The following CENATAC variants were observed in gnomAD, a reference collection of about 807,000 sequenced individuals.
CENATAC encodes centrosomal AT-AC splicing factor.
A neutral mutation model predicts 53.7 loss-of-function variants in CENATAC; 53 were observed. The observed-to-expected ratio is 0.99, with a 90% confidence interval of 0.79 to 1.24. The LOEUF (loss-of-function observed/expected upper bound fraction) is 1.24, where lower values mean the gene tolerates loss of function less well. Ranked by LOEUF, CENATAC falls within the 50% of genes most tolerant of loss-of-function variation. The pLI is 0.00. For missense variants in CENATAC, 474 were observed against 417.8 expected, an observed-to-expected ratio of 1.13 and a Z score of -1.17; for synonymous variants, 156 against 144.6, an observed-to-expected ratio of 1.08 and a Z score of -0.57.
chr11:119,003,347 T>G lies in CENATAC; in HGVS notation c.383+4238T>G, dbSNP rs369292738. The stretch of plus-strand genomic sequence containing the variant: ...TAGTGATACGCGGATCTTCTTTTTT[T>G]TGTGGCTGTGGACACCTTTCAACAC... On this transcript the variant is annotated intron_variant, in intron 3 of 10. Transcript: ENST00000334418. The G allele has an allele frequency of 1.6e-3, 873 of 534,242 alleles. 8 individuals are homozygous for G. The highest frequency in any genetic ancestry group is 8.4e-3 in the South Asian group (607 of 72,278). The allele number at this position is 534,242 out of a possible 1,614,324, so 33.1% of individuals were successfully genotyped here. A position where few individuals can be genotyped will look rare whatever the true frequency, so the allele number is the denominator to read the frequency against.
intron 3 of CENATAC, among the ~76,000 whole-genome samples, chr11:119,008,823 C>A (rs563153757): frequency 6.6e-6 from 1 of 152,274 alleles, no homozygotes; most frequent in South Asian, 2.1e-4. Flanking sequence ...CATTGTGCCC[C>A]TGGTTTATTG....
At chr11:119,011,599 G>C (rs1942875955) in intron 5 of CENATAC, among the ~76,000 whole-genome samples, 1 of 152,092 alleles carries the variant, frequency 6.6e-6, no homozygotes, top group African/African-American at 2.4e-5. Flanking sequence ...GGCTGGTCTT[G>C]AACTCCTGAC....
rs537697599 is a variant in CENATAC, at chr11:119,015,722, T to C, written c.*124T>C. ...AGACATACTCATTCATTTGATTTAATAAAGTTTTATTTTTCCAAATGTACA... is the reference window on the plus strand; with the variant it reads ...AGACATACTCATTCATTTGATTTAACAAAGTTTTATTTTTCCAAATGTACA... On this transcript the variant is annotated 3_prime_UTR_variant, in exon 11 of 11. Coordinates refer to ENST00000334418, the MANE Select transcript of CENATAC (RefSeq NM_198489.3). 366 of 1,293,170 alleles carry C rather than the reference T, an allele frequency of 2.8e-4. 1 individual carries two copies. Among genetic ancestry groups the C allele is most frequent in the Non-Finnish European group, 2.4e-4 (222 of 909,604 alleles). 80.1% of individuals were successfully genotyped at this position (1,293,170 alleles called of 1,614,324 possible).
chr11:118,998,156 T>C lies in CENATAC; in HGVS notation c.-42T>C. 2 of 1,557,454 alleles carry C rather than the reference T, an allele frequency of 1.3e-6. No individual in the cohort carries two copies. The highest frequency in any genetic ancestry group is 2.4e-5 in the South Asian group (2 of 84,946). ...CAGGGTCAGAGGCCGCCGGATGGCG[T>C]AGGATCGGCCGCTGGTGGTGGTGAT... On this transcript the variant is annotated 5_prime_UTR_variant, in exon 1 of 11. An upstream open reading frame in the 5' UTR loses its in-frame stop. Coordinates refer to ENST00000334418, the MANE Select transcript of CENATAC (RefSeq NM_198489.3).
In CENATAC at chr11:118,998,313, C is replaced by T. The variant is rs782555307; in HGVS notation, c.116C>T (p.Pro39Leu). 7 of 1,609,434 alleles carry T rather than the reference C, an allele frequency of 4.3e-6. No individual in the cohort carries two copies. In the African/African-American group the frequency reaches 8.0e-5, roughly 18 times the overall value. ...AAGGAGGCTTTGGAGAGGCTCCTGC[C>T]CCAGGTGCGGAGGCAAGGCTAGAGA... The part of the protein sequence containing the change: ...QLKEALERLL[P>L]QVEAARKAIR... The change falls in exon 1 of 11, where the codon CCC becomes CTC. Residue 39 changes from proline (P) to leucine (L), a missense_variant. Transcript: ENST00000334418.
intron 3 of CENATAC, 42 bp from the exon 4 acceptor site, chr11:119,010,722 T>C: frequency 6.4e-7 from 1 of 1,565,556 alleles, no homozygotes; most frequent in Non-Finnish European, 8.7e-7. Flanking sequence ...TTTTAACTGG[T>C]GGGGAATGGG....
At chr11:119,002,745 T>G (rs1045675163) in intron 3 of CENATAC, among the ~76,000 whole-genome samples, 4 of 151,698 alleles carry the variant, frequency 2.6e-5, no homozygotes, top group African/African-American at 9.7e-5. Context: ...AGAAGTAAGA[T>G]TTCTCCCATG....
rs1419960688 is a variant in CENATAC at position 119,011,254 on chromosome 11, C to T, written c.484C>T (p.Arg162Ter). The change falls in exon 5 of 11, where the codon CGA becomes TGA. Residue 162 changes from arginine (R) to a stop codon, truncating the protein, a stop_gained. Coordinates refer to ENST00000334418, the MANE Select transcript of CENATAC (RefSeq NM_198489.3). LOFTEE classifies it high-confidence loss of function. ...AAQIREVEQSRQEVVRSVLEP... is the reference protein window; with the variant it reads ...AAQIREVEQS Reference sequence around the variant, plus strand: ...TCAGATCCGTGAGGTGGAGCAGAGCCGACAGGAGGTGGTTCGGTCTGTCTT... The same window carrying T: ...TCAGATCCGTGAGGTGGAGCAGAGCTGACAGGAGGTGGTTCGGTCTGTCTT... The T allele has an allele frequency of 2.5e-6, 4 of 1,614,096 alleles. No individual in the cohort carries two copies. Among genetic ancestry groups the T allele is most frequent in the Admixed American group, 1.7e-5 (1 of 60,008 alleles).
rs782335399 is a variant in CENATAC at position 119,011,297 on chromosome 11, G to T, written c.513+14G>T. 1.2e-6 allele frequency: 2 copies of T among 1,613,154 alleles called. No individual in the cohort carries two copies. The highest frequency in any genetic ancestry group is 2.7e-5 in the African/African-American group (2 of 74,930). ...TCTGTCTTAGAGGTTGGTTTCCCTC[G>T]GAGGATCCAGACCAGTATCCAAATC... On this transcript the variant is annotated intron_variant, in intron 5 of 10. Transcript: ENST00000334418.
Position 119,015,008 on chromosome 11 carries a change from TG to T in CENATAC, c.732del (p.Trp244Ter). On this transcript the variant is annotated frameshift_variant, in exon 9 of 11. Coordinates refer to ENST00000334418, the MANE Select transcript of CENATAC (RefSeq NM_198489.3). LOFTEE classifies it high-confidence loss of function. ...TTTTTTTTCAGGTGCCACACCTCCC[TG>T]GATGATCCAAGATGAAGAATACATT... ...GNIHSGATPP[W>X]MIQDEEYIAG... 2.5e-6 allele frequency: 4 copies of T among 1,602,446 alleles called. No homozygotes were observed. The highest frequency in any genetic ancestry group is 3.4e-6 in the Non-Finnish European group (4 of 1,174,568).
Position 119,013,232 on chromosome 11 carries a change from G to T in CENATAC, c.685G>T (p.Asp229Tyr). The T allele has an allele frequency of 6.2e-7, 1 of 1,608,414 alleles. No individual in the cohort carries two copies. Among genetic ancestry groups the T allele is most frequent in the Non-Finnish European group, 8.5e-7 (1 of 1,177,446 alleles). The change falls in exon 8 of 11, where the codon GAT becomes TAT. Residue 229 changes from aspartate (D) to tyrosine (Y), a missense_variant and splice_region_variant. Coordinates refer to ENST00000334418, the MANE Select transcript of CENATAC (RefSeq NM_198489.3). ...GPSLTFIGHQ[D>Y]IPGVGNIHSG... ...CTTTTTTTCCCATTTCCAACTACAG[G>T]ATATACCAGGAGTTGGTAACATCCA... is the stretch of plus-strand genomic sequence containing the variant.
At chr11:119,009,090 A>G (rs138248554) in intron 3 of CENATAC, among the ~76,000 whole-genome samples, 2 of 152,222 alleles carry the variant, frequency 1.3e-5, no homozygotes, top group South Asian at 2.1e-4. Flanking sequence ...TCCTTCCTAC[A>G]TAGACACAGT....
In CENATAC at chr11:119,013,161, G is replaced by C. The variant is rs578043108; in HGVS notation, c.685-71G>C. On this transcript the variant is annotated intron_variant, in intron 7 of 10. Transcript: ENST00000334418. ...TCTTTTAAAGTGTGCTTTGTCTATCGTTTCTAGGATTTTTTTTTTTAATCA... is the reference window on the plus strand; with the variant it reads ...TCTTTTAAAGTGTGCTTTGTCTATCCTTTCTAGGATTTTTTTTTTTAATCA... The C allele has an allele frequency of 1.7e-4, 204 of 1,185,468 alleles. 1 individual carries two copies. In the East Asian group the frequency reaches 3.5e-3, roughly 20 times the overall value. The allele number at this position is 1,185,468 out of a possible 1,614,324, so 73.4% of individuals were successfully genotyped here.
chr11:119,012,396 T>C, intron 7 of CENATAC, 142 bp downstream of exon 7: 2 of 857,578 alleles, frequency 2.3e-6, no homozygotes, highest in Non-Finnish European at 3.5e-6. Flanking sequence ...CTAGTAGTGT[T>C]CTCAGACCTC....
At position 119,005,462 on chromosome 11, in the gene CENATAC, G is replaced by A. The variant is rs537874400; in HGVS notation, c.384-5302G>A. Among the ~76,000 whole-genome samples the A allele has an allele frequency of 6.8e-5, 10 of 147,410 alleles. No individual in the cohort carries two copies. The East Asian group carries it at 1.2e-3, about 17-fold the overall frequency. ...GCCTGGCGACATAGAGTGAGACCCC[G>A]TCTCAAAAAAAAAAAAAATTTTTTT... On this transcript the variant is annotated intron_variant, in intron 3 of 10. Transcript: ENST00000334418.
chr11:119,002,681 GT>G (rs10718631), intron 3 of CENATAC, among the ~76,000 whole-genome samples: 123,021 of 142,302 alleles, frequency 0.86, 53,085 homozygotes, highest in East Asian at 0.93. Flanking sequence ...TAAGCTGTTG[GT>G]TTTTTTTTTT....
Position 119,015,636 on chromosome 11 carries a change from A to G in CENATAC, c.*38A>G, listed in dbSNP as rs782258873. 6.2e-7 allele frequency: 1 copy of G among 1,606,124 alleles called. No individual in the cohort carries two copies. Among genetic ancestry groups the G allele is most frequent in the South Asian group, 1.1e-5 (1 of 90,868 alleles). On this transcript the variant is annotated 3_prime_UTR_variant, in exon 11 of 11. Transcript: ENST00000334418. ...CCAACTACCATGAGGCTAAAAGCAAAGTCAACAAACCCCTATTATACCTTC... is the reference window on the plus strand; with the variant it reads ...CCAACTACCATGAGGCTAAAAGCAAGGTCAACAAACCCCTATTATACCTTC...
intron 7 of CENATAC, 72 bp from the exon 8 acceptor site, chr11:119,013,160 C>A: frequency 1.7e-6 from 2 of 1,158,384 alleles, no homozygotes; most frequent in South Asian, 1.3e-5. Flanking sequence ...CTTTGTCTAT[C>A]GTTTCTAGGA....
At position 119,003,067 on chromosome 11, in the gene CENATAC, C is replaced by G. The variant is rs375395661; in HGVS notation, c.383+3958C>G. On this transcript the variant is annotated intron_variant, in intron 3 of 10. Coordinates refer to ENST00000334418, the MANE Select transcript of CENATAC (RefSeq NM_198489.3). ...CAAAGCATTGTAATCAGGAGCCAGT[C>G]GAACATGTTCCTTCTCTCCATCAGG... 6 of 526,790 alleles carry G rather than the reference C, an allele frequency of 1.1e-5. No individual in the cohort carries two copies. The African/African-American group carries it at 1.1e-4, about 10-fold the overall frequency. 32.6% of individuals were successfully genotyped at this position (526,790 alleles called of 1,614,324 possible).
Sources: gnomAD v4.1 joint callset for allele counts (sites outside exome capture counted in the v4.1 genomes callset) on GRCh38, gnomAD v4.1.1 for gene constraint, MANE v1.5 for transcripts, NCBI Gene and HGNC (gene_info 2026-07-23, HGNC 2026-07-21) for gene names.